Variants in SYNPO observed in about 807,000 individuals in gnomAD.
SYNPO encodes synaptopodin.
SYNPO carries 19 observed loss-of-function variants against 49.5 expected under a neutral mutation model. That is an observed-to-expected ratio of 0.38 (90% CI 0.27 to 0.56). SYNPO has a LOEUF of 0.56. SYNPO is among the 20% of genes least tolerant of loss of function. SYNPO has a pLI of 0.68. For missense variants in SYNPO, 1,131 were observed against 1,248.3 expected (o/e 0.91, Z 1.42); for synonymous variants, 536 against 548.0 (o/e 0.98, Z 0.31).
chr5:150,631,808 G>T (rs1398246837), intron 2 of SYNPO, among the ~76,000 whole-genome samples: 1 of 152,192 alleles, frequency 6.6e-6, no homozygotes, highest in Non-Finnish European at 1.5e-5. Context: ...GGTTATGGAG[G>T]CCCAGCAGGC....
intron 2 of SYNPO, among the ~76,000 whole-genome samples, chr5:150,627,070 C>T (rs1757381536): frequency 1.3e-5 from 2 of 152,216 alleles, no homozygotes; most frequent in Non-Finnish European, 2.9e-5. Context: ...AGGCTGAGCA[C>T]ACCTCCAGGG....
Position 150,649,733 on chromosome 5 carries a change from C to T in SYNPO, c.1458C>T (p.Arg486=). The T allele has an allele frequency of 6.2e-7, 1 of 1,613,114 alleles. No individual in the cohort carries two copies. The highest frequency in any genetic ancestry group is 8.5e-7 in the Non-Finnish European group (1 of 1,180,010). The change falls in exon 2 of 3, where the codon CGC becomes CGT. Residue 486 remains arginine (R), a synonymous_variant. Transcript: ENST00000307662. ...ASGKGAELYA[R]RQSRMEKYVI... ...GGAAGGGAGCTGAGCTCTACGCCCGCCGCCAGTCACGGATGGAGAAATATG... is the reference window on the plus strand; with the variant it reads ...GGAAGGGAGCTGAGCTCTACGCCCGTCGCCAGTCACGGATGGAGAAATATG...
rs1424298096 is a variant in SYNPO, at chr5:150,649,680, C to G, written c.1405C>G (p.Pro469Ala). The change falls in exon 2 of 3, where the codon CCC becomes GCC. Residue 469 changes from proline to alanine, a missense_variant. Pro to Ala is a conservative substitution (Grantham distance 27). This residue lies in a region of SYNPO where 602 missense variants were observed against 720.7 expected (regional missense o/e 0.84). Coordinates refer to ENST00000307662, the MANE Select transcript of SYNPO (RefSeq NM_007286.6). ...PRIQAKPKPKPNQNLSEASGK... is the reference protein window; with the variant it reads ...PRIQAKPKPKANQNLSEASGK... ...CATCCAGGCCAAGCCGAAGCCCAAA[C>G]CCAACCAGAACCTCTCCGAGGCCTC... is the stretch of plus-strand genomic sequence containing the variant. 3 of 1,611,364 alleles carry G rather than the reference C, an allele frequency of 1.9e-6. No homozygotes were observed. Among genetic ancestry groups the G allele is most frequent in the Non-Finnish European group, 2.5e-6 (3 of 1,180,014 alleles).
the SYNPO span, among the ~76,000 whole-genome samples, chr5:150,592,909 T>C: frequency 6.6e-6 from 1 of 152,210 alleles, no homozygotes; most frequent in African/African-American, 2.4e-5. Flanking sequence ...TGTCCAGTGA[T>C]AGGGTGCTCA....
intron 2 of SYNPO, among the ~76,000 whole-genome samples, chr5:150,655,406 C>G (rs1325419947): frequency 2.0e-5 from 3 of 152,144 alleles, no homozygotes; most frequent in Non-Finnish European, 4.4e-5. Context: ...TGGCATTTGG[C>G]CCTGAGACAC....
chr5:150,652,013 G>C, intron 2 of SYNPO: 1 of 1,000,558 alleles, frequency 1.0e-6, no homozygotes, highest in Non-Finnish European at 1.2e-6. Flanking sequence ...GGCAAGGGGT[G>C]GTGGAGGCAG....
At position 150,611,028 on chromosome 5, in the gene SYNPO, A is replaced by G. The variant is rs190031745; in HGVS notation, c.-265-7075A>G. Among the ~76,000 whole-genome samples, 292 of 152,308 alleles carry G rather than the reference A, an allele frequency of 1.9e-3. 1 individual carries two copies. Among genetic ancestry groups the G allele is most frequent in the African/African-American group, 6.8e-3 (284 of 41,562 alleles). ...TTTTATAATTGCATATGAGGATTTA[A>G]CATAATAGTGAACTTGAAATGCATA... On this transcript the variant is annotated intron_variant, in intron 1 of 2. Transcript: ENST00000394243.
chr5:150,651,586 C>CCTGGGCTGGG lies in SYNPO; in HGVS notation c.2028+1298_2028+1307dup, dbSNP rs139408467. ...AGCTGCTGCAGGAGGCCAAGGGATG[C>CCTGGGCTGGG]CTGGGCTGGGCTGGGCTGGGCTGGC... is the stretch of plus-strand genomic sequence containing the variant. On this transcript the variant is annotated intron_variant, in intron 2 of 2. Coordinates refer to ENST00000307662, the MANE Select transcript of SYNPO (RefSeq NM_007286.6). 4.0e-6 allele frequency: 4 copies of CCTGGGCTGGG among 1,003,316 alleles called. No individual in the cohort carries two copies. In the African/African-American group the frequency reaches 7.0e-5, roughly 17 times the overall value. The allele number at this position is 1,003,316 out of a possible 1,614,324, so 62.2% of individuals were successfully genotyped here.
chr5:150,610,218 C>T (rs1262236232), intron 1 of SYNPO, among the ~76,000 whole-genome samples: 1 of 152,180 alleles, frequency 6.6e-6, no homozygotes, highest in African/African-American at 2.4e-5. Flanking sequence ...AGACCCCAGG[C>T]CCAGGCTTGT....
At chr5:150,646,975 G>T (rs1425909400) in intron 1 of SYNPO, among the ~76,000 whole-genome samples, 1 of 152,184 alleles carries the variant, frequency 6.6e-6, no homozygotes, top group Admixed American at 6.5e-5. Context: ...GGGCACGGTG[G>T]CTCACGCCTG....
intron 2 of SYNPO, among the ~76,000 whole-genome samples, chr5:150,633,938 A>G (rs1757623629): frequency 6.6e-6 from 1 of 152,310 alleles, no homozygotes; most frequent in South Asian, 2.1e-4. Context: ...CCTGGGAAAC[A>G]TAGTGAAAAC....
In SYNPO at chr5:150,656,720, C is replaced by T. The variant is rs1291664149; in HGVS notation, c.2345C>T (p.Pro782Leu). Residue 782 changes from proline (P) to leucine (L), a missense_variant, in exon 3 of 3, where the codon CCC becomes CTC. Physicochemically the swap from Pro to Leu is moderately conservative, Grantham distance 98. This residue lies in a region of SYNPO where 509 missense variants were observed against 484.5 expected (regional missense o/e 1.05). Coordinates refer to ENST00000307662, the MANE Select transcript of SYNPO (RefSeq NM_007286.6). ...TCGGCGGGCGCCGAGAACCCGCGGC[C>T]CTTCTCCCCGCCGAGGGCGCCACCG... ...PRSAGAENPR[P>L]FSPPRAPPPP... 36 of 1,385,682 alleles carry T rather than the reference C, an allele frequency of 2.6e-5. No individual in the cohort carries two copies. The highest frequency in any genetic ancestry group is 3.3e-5 in the Non-Finnish European group (35 of 1,069,628). The allele number at this position is 1,385,682 out of a possible 1,614,324, so 85.8% of individuals were successfully genotyped here.
At chr5:150,653,125 G>C (rs1758446745) in intron 2 of SYNPO, 1 of 152,230 alleles carries the variant, frequency 6.6e-6, no homozygotes, top group Non-Finnish European at 1.5e-5. Context: ...CATTCCCAAG[G>C]AGCTCTGGTG....
At chr5:150,610,998 GT>G (rs543418540) in intron 1 of SYNPO, among the ~76,000 whole-genome samples, 4 of 151,968 alleles carry the variant, frequency 2.6e-5, no homozygotes, top group Admixed American at 6.6e-5. Flanking sequence ...GTTGGTTTGT[GT>G]TTTTTTTATA....
chr5:150,650,802 C>G (rs1758350872), intron 2 of SYNPO: 3 of 1,288,892 alleles, frequency 2.3e-6, no homozygotes, highest in Non-Finnish European at 3.0e-6. Flanking sequence ...CCTCCTGAGG[C>G]TCAAGCTCCT....
the SYNPO span, among the ~76,000 whole-genome samples, chr5:150,593,598 A>T: frequency 4.2e-3 from 639 of 152,170 alleles, 6 homozygotes; most frequent in African/African-American, 0.014. Context: ...AGTACCTGAG[A>T]CTACAGGCGT....
intron 1 of SYNPO, chr5:150,614,668 G>A (rs1378593744): frequency 6.6e-6 from 1 of 152,216 alleles, no homozygotes; most frequent in African/African-American, 2.4e-5. Flanking sequence ...TTTCTGCCAA[G>A]GCTCAAGTAT....
intron 1 of SYNPO, among the ~76,000 whole-genome samples, chr5:150,607,133 C>T (rs1404537070): frequency 6.6e-6 from 1 of 151,986 alleles, no homozygotes; most frequent in Non-Finnish European, 1.5e-5. Flanking sequence ...AACTTAAATA[C>T]GTGTCAGGTC....
intron 1 of SYNPO, among the ~76,000 whole-genome samples, chr5:150,613,361 A>T (rs1315666660): frequency 6.6e-6 from 1 of 152,042 alleles, no homozygotes; most frequent in African/African-American, 2.4e-5. Flanking sequence ...CCTTCCATAC[A>T]TGCCCTAACC....
Sources: allele counts gnomAD v4.1 joint callset (sites outside exome capture counted in the v4.1 genomes callset), GRCh38; gene constraint gnomAD v4.1.1; regional missense constraint gnomAD v4.1.1; transcripts MANE v1.5; gene names NCBI Gene and HGNC (gene_info 2026-07-23, HGNC 2026-07-21).